TTC28: variants seen among roughly 807,000 people sequenced by gnomAD.
TTC28 encodes tetratricopeptide repeat protein 28.
Under a neutral mutation model 198.0 loss-of-function variants are expected in TTC28, and 61 were observed. That is an observed-to-expected ratio of 0.31 (90% CI 0.25 to 0.38). TTC28 has a LOEUF of 0.38. TTC28 is among the 10% of genes least tolerant of loss of function. The probability of loss-of-function intolerance (pLI) is 1.00; values close to 1 mark genes in which losing one functional copy is unlikely to be tolerated. For synonymous variants in TTC28, 1,171 were observed against 1,297.8 expected (o/e 0.90, Z 2.10); for missense variants, 2,678 against 3,164.0 (o/e 0.85, Z 3.69).
chr22:28,210,812 G>C (rs2147178281), intron 5 of TTC28, among the ~76,000 whole-genome samples: 1 of 152,180 alleles, frequency 6.6e-6, no homozygotes, highest in African/African-American at 2.4e-5. Flanking sequence ...GCCTTGACAA[G>C]AGCAACTCCA....
chr22:28,639,396 C>G (rs1366918174), intron 1 of TTC28, among the ~76,000 whole-genome samples: 4 of 152,200 alleles, frequency 2.6e-5, no homozygotes, highest in African/African-American at 7.2e-5. Context: ...GCTATTCTTA[C>G]GCCTAGAGAG....
chr22:27,979,060 TCA>T lies in TTC28; in HGVS notation c.*3159_*3160del, dbSNP rs2146482201. On this transcript the variant is annotated 3_prime_UTR_variant, in exon 23 of 23. Transcript: ENST00000397906. Reference sequence around the variant, plus strand: ...GCATTTGCTTCCATCCACGTGGCCCTCACATACCCTGGGCTCCCCGGACGCCA... The same window carrying T: ...GCATTTGCTTCCATCCACGTGGCCCTCATACCCTGGGCTCCCCGGACGCCA... 6.6e-6 allele frequency: 1 copy of T among 152,392 alleles called. No homozygotes were observed. Among genetic ancestry groups the T allele is most frequent in the Non-Finnish European group, 1.5e-5 (1 of 68,058 alleles). 9.4% of individuals were successfully genotyped at this position (152,392 alleles called of 1,614,324 possible).
chr22:28,402,006 C>T (rs16986374), intron 2 of TTC28, among the ~76,000 whole-genome samples: 2,417 of 152,246 alleles, frequency 0.016, 84 homozygotes, highest in African/African-American at 0.056. Flanking sequence ...GGTCAAGTTC[C>T]CCTACCCTTG....
intron 2 of TTC28, among the ~76,000 whole-genome samples, chr22:28,346,688 C>G (rs1164170622): frequency 2.0e-5 from 3 of 152,134 alleles, no homozygotes; most frequent in Middle Eastern, 3.2e-3. Context: ...AATAGATCTC[C>G]AATCTCTGTA....
intron 2 of TTC28, among the ~76,000 whole-genome samples, chr22:28,429,485 G>GA (rs1421818377): frequency 1.1e-4 from 16 of 151,714 alleles, no homozygotes; most frequent in East Asian, 3.9e-4. Flanking sequence ...GGTGCTAACT[G>GA]AAAAAAAACT....
At chr22:28,623,640 G>A (rs1398746026) in intron 2 of TTC28, among the ~76,000 whole-genome samples, 2 of 152,080 alleles carry the variant, frequency 1.3e-5, no homozygotes, top group Non-Finnish European at 2.9e-5. Flanking sequence ...TAAACCACAT[G>A]CAAGGCCATA....
rs139291473 is a variant in TTC28 at position 28,024,383 on chromosome 22, G to A, written c.4073+5843C>T. Reference sequence around the variant, plus strand: ...CCTGAGATGTGAATGGGCAGGTCTGGGGTTCCTCTGGGTTAGGACAGAGGG... The same window carrying A: ...CCTGAGATGTGAATGGGCAGGTCTGAGGTTCCTCTGGGTTAGGACAGAGGG... On this transcript the variant is annotated intron_variant, in intron 13 of 22. Coordinates refer to ENST00000397906, the MANE Select transcript of TTC28 (RefSeq NM_001145418.2). Among the ~76,000 whole-genome samples the A allele has an allele frequency of 2.6e-5, 4 of 152,306 alleles. No homozygotes were observed. The East Asian group carries it at 7.7e-4, about 29-fold the overall frequency.
intron 2 of TTC28, among the ~76,000 whole-genome samples, chr22:28,583,905 G>T (rs2146065897): frequency 6.6e-6 from 1 of 151,528 alleles, no homozygotes; most frequent in East Asian, 1.9e-4. Flanking sequence ...TTACCACAAG[G>T]TTAAAATCCC....
chr22:28,376,719 G>A (rs1194230636), intron 2 of TTC28, among the ~76,000 whole-genome samples: 2 of 152,126 alleles, frequency 1.3e-5, no homozygotes, highest in African/African-American at 2.4e-5. Flanking sequence ...AGGCAGAGTT[G>A]AGAGCTCAGA....
chr22:28,155,406 A>T (rs564422493), intron 6 of TTC28, among the ~76,000 whole-genome samples: 11 of 152,356 alleles, frequency 7.2e-5, no homozygotes, highest in African/African-American at 2.6e-4. Flanking sequence ...AGTAGAACAT[A>T]GTTCATAGTT....
chr22:28,093,013 G>T (rs1941859188), intron 12 of TTC28, among the ~76,000 whole-genome samples: 1 of 152,190 alleles, frequency 6.6e-6, no homozygotes, highest in East Asian at 1.9e-4. Flanking sequence ...GTCTGGGTGA[G>T]ATGTAGACTG....
At position 28,108,207 on chromosome 22, in the gene TTC28, T is replaced by G; in HGVS notation, c.1638A>C (p.Glu546Asp). The G allele has an allele frequency of 3.2e-6, 5 of 1,551,530 alleles. No individual in the cohort carries two copies. The highest frequency in any genetic ancestry group is 1.4e-5 in the African/African-American group (1 of 73,166). The change falls in exon 7 of 23, where the codon GAA becomes GAC. Residue 546 changes from glutamate to aspartate, a missense_variant. Physicochemically the swap from Glu to Asp is conservative, Grantham distance 45 (BLOSUM62 2). Transcript: ENST00000397906. Reference protein sequence around the residue: ...YHRQELQISMEVNDRASQAST... With the variant: ...YHRQELQISMDVNDRASQAST... ...AGGCCTGTGAGGCGCGGTCATTCAC[T>G]TCCATGGAGATCTGCAGCTCCTGCC... is the stretch of plus-strand genomic sequence containing the variant.
intron 2 of TTC28, among the ~76,000 whole-genome samples, chr22:28,418,440 A>G (rs2047198087): frequency 6.6e-6 from 1 of 152,226 alleles, no homozygotes; most frequent in African/African-American, 2.4e-5. Flanking sequence ...ATGCTACAAA[A>G]AACGCTTAAA....
chr22:28,184,126 G>GTAC, intron 5 of TTC28, among the ~76,000 whole-genome samples: 1 of 152,176 alleles, frequency 6.6e-6, no homozygotes, highest in East Asian at 1.9e-4. Flanking sequence ...CTATAAAATG[G>GTAC]GGGTAATGAT....
intron 2 of TTC28, among the ~76,000 whole-genome samples, chr22:28,566,090 T>G (rs2049963792): frequency 7.2e-6 from 1 of 138,926 alleles, no homozygotes. Context: ...CAAATGGGCT[T>G]GGGTCAATAC....
chr22:28,564,886 T>C (rs1168177206), intron 2 of TTC28, among the ~76,000 whole-genome samples: 9 of 147,714 alleles, frequency 6.1e-5, no homozygotes, highest in African/African-American at 2.2e-4. Context: ...TAATTTATTA[T>C]ATAAATAAAT....
At chr22:28,383,423 A>G (rs931240205) in intron 2 of TTC28, among the ~76,000 whole-genome samples, 1 of 152,224 alleles carries the variant, frequency 6.6e-6, no homozygotes, top group Admixed American at 6.5e-5. Context: ...GGCTACGGTT[A>G]TAATATACAT....
intron 5 of TTC28, among the ~76,000 whole-genome samples, chr22:28,192,678 A>G (rs569428861): frequency 1.3e-5 from 2 of 152,276 alleles, no homozygotes; most frequent in East Asian, 1.9e-4. Flanking sequence ...AATCAAGTGG[A>G]AGAAAGGGTA....
intron 5 of TTC28, among the ~76,000 whole-genome samples, chr22:28,263,463 T>C (rs1931465966): frequency 6.6e-6 from 1 of 152,070 alleles, no homozygotes; most frequent in South Asian, 2.1e-4. Flanking sequence ...AATTCAGCAA[T>C]AAGTACATTA....
Sources: allele counts gnomAD v4.1 joint callset (sites outside exome capture counted in the v4.1 genomes callset), GRCh38; gene constraint gnomAD v4.1.1; transcripts MANE v1.5; gene names NCBI Gene and HGNC (gene_info 2026-07-23, HGNC 2026-07-21).